The following TLE1 variants were observed in gnomAD, a reference collection of about 807,000 sequenced individuals.
TLE1 encodes transducin-like enhancer protein 1.
A neutral mutation model predicts 89.8 loss-of-function variants in TLE1; 21 were observed. That is an observed-to-expected ratio of 0.23 (90% CI 0.17 to 0.34). The LOEUF is 0.34. Among genes scored for constraint, TLE1 ranks in the 10% least tolerant of loss-of-function variants. The probability of loss-of-function intolerance (pLI) is 1.00; values close to 1 mark genes in which losing one functional copy is unlikely to be tolerated. For synonymous variants in TLE1, 447 were observed against 407.6 expected, an observed-to-expected ratio of 1.10 and a Z score of -1.16; for missense variants, 795 against 1,031.2, an observed-to-expected ratio of 0.77 and a Z score of 3.14.
In TLE1 at chr9:81,611,756, G is replaced by A. The variant is rs199640322; in HGVS notation, c.1254+13C>T. ...TTCCTACCCCAACCACAGCCCACCC[G>A]ACAGCGGCCTACCATGGGGGAGCGC... is the stretch of plus-strand genomic sequence containing the variant. On this transcript the variant is annotated intron_variant, in intron 13 of 19. Transcript: ENST00000376499. The A allele has an allele frequency of 1.7e-3, 2,617 of 1,507,084 alleles. 40 individuals are homozygous for A. Among genetic ancestry groups the A allele is most frequent in the Non-Finnish European group, 5.0e-4 (567 of 1,136,718 alleles). The allele number at this position is 1,507,084 out of a possible 1,614,324, so 93.4% of individuals were successfully genotyped here.
chr9:81,675,698 G>GTTTTTTTTTTTTTTTTTTTTTTTTTTTT lies in TLE1; in HGVS notation c.234+9977_234+9978insAAAAAAAAAAAAAAAAAAAAAAAAAAAA, dbSNP rs35060460. 6.2e-4 allele frequency among the ~76,000 whole-genome samples: 81 copies of GTTTTTTTTTTTTTTTTTTTTTTTTTTTT among 129,652 alleles called. 11 individuals carry two copies. The highest frequency in any genetic ancestry group is 7.9e-3 in the Middle Eastern group (2 of 252). The allele number at this position is 129,652 out of a possible 152,430, so 85.1% of individuals were successfully genotyped here. A position where few individuals can be genotyped will look rare whatever the true frequency, so the allele number is the denominator to read the frequency against. ...AATTTTAGCATAAGGACTCACACTA[G>GTTTTTTTTTTTTTTTTTTTTTTTTTTTT]TTTTTTTTTGTTTTTTTTTTTGAGA... On this transcript the variant is annotated intron_variant, in intron 4 of 19. Transcript: ENST00000376499.
Position 81,660,932 on chromosome 9 carries a change from TAAA to T in TLE1, c.235-6899_235-6897del, listed in dbSNP as rs2132751478. 8.5e-5 allele frequency among the ~76,000 whole-genome samples: 6 copies of T among 70,630 alleles called. No individual in the cohort carries two copies. The South Asian group carries it at 2.8e-3, about 33-fold the overall frequency. 46.3% of individuals were successfully genotyped at this position (70,630 alleles called of 152,430 possible). On this transcript the variant is annotated intron_variant, in intron 4 of 19. Transcript: ENST00000376499. The stretch of plus-strand genomic sequence containing the variant: ...TAACACGGTGAAACCCCATCCCTAC[TAAA>T]CACACACACACACACACACACACAC...
At chr9:81,595,115 A>G (rs2131862552) in intron 14 of TLE1, among the ~76,000 whole-genome samples, 1 of 152,320 alleles carries the variant, frequency 6.6e-6, no homozygotes, top group East Asian at 1.9e-4. Flanking sequence ...TGTCCTGGGG[A>G]ATAAATACAC....
intron 4 of TLE1, among the ~76,000 whole-genome samples, chr9:81,673,317 T>A (rs1832478559): frequency 6.6e-6 from 1 of 151,638 alleles, no homozygotes; most frequent in Non-Finnish European, 1.5e-5. Flanking sequence ...AAGTCCTTTT[T>A]TTTTTTTCTC....
chr9:81,616,107 C>T lies in TLE1; in HGVS notation c.793G>A (p.Ala265Thr), dbSNP rs373106021. 3.7e-6 allele frequency: 6 copies of T among 1,613,852 alleles called. No homozygotes were observed. The highest frequency in any genetic ancestry group is 2.7e-5 in the African/African-American group (2 of 74,998). ...EDPSSPRASPAHSPRENGIDK... is the reference protein window; with the variant it reads ...EDPSSPRASPTHSPRENGIDK... ...ATTCCATTTTCCCGGGGCGAGTGGG[C>T]AGGGCTTGCTCGCGGAGAAGAAGGG... Residue 265 changes from alanine (A) to threonine (T), a missense_variant, in exon 11 of 20, where the codon GCC becomes ACC. Ala to Thr is a moderately conservative substitution (Grantham distance 58, BLOSUM62 0). This residue lies in a region of TLE1 where 468 missense variants were observed against 509.1 expected (regional missense o/e 0.92). Transcript: ENST00000376499.
At chr9:81,622,505 CTTCTGTTAGAAACAATACAAT>C (rs577002282) in intron 8 of TLE1, among the ~76,000 whole-genome samples, 5 of 152,296 alleles carry the variant, frequency 3.3e-5, no homozygotes, top group South Asian at 2.1e-4. Context: ...GTAAACTACA[CTTCTGTTAGAAACAATACAAT>C]TTCTGTTAGA....
intron 8 of TLE1, 94 bp downstream of exon 8, chr9:81,633,245 TGTCTGTCTG>T: frequency 6.3e-7 from 1 of 1,577,964 alleles, no homozygotes; most frequent in Non-Finnish European, 8.6e-7. Flanking sequence ...AGAGTGTGCA[TGTCTGTCTG>T]TGCCTGTGTG....
chr9:81,615,830 G>A, intron 11 of TLE1, 152 bp downstream of exon 11: 1 of 1,004,870 alleles, frequency 1.0e-6, no homozygotes, highest in Non-Finnish European at 1.4e-6. Flanking sequence ...CCTGAATGGT[G>A]ACAAAGAACA....
At chr9:81,685,525 A>C (rs1834151640) in intron 4 of TLE1, 151 bp downstream of exon 4, 2 of 680,516 alleles carry the variant, frequency 2.9e-6, no homozygotes, top group East Asian at 5.4e-5. Context: ...TTGATGCAGA[A>C]TACTACCATC....
At chr9:81,682,956 C>CT (rs1833810830) in intron 4 of TLE1, among the ~76,000 whole-genome samples, 1 of 152,228 alleles carries the variant, frequency 6.6e-6, no homozygotes, top group Non-Finnish European at 1.5e-5. Flanking sequence ...AAAGGCAAGG[C>CT]TTATCAGGAA....
At chr9:81,590,478 C>A (rs924434868) in intron 16 of TLE1, among the ~76,000 whole-genome samples, 1 of 152,202 alleles carries the variant, frequency 6.6e-6, no homozygotes, top group Non-Finnish European at 1.5e-5. Flanking sequence ...GTATCAAGGG[C>A]CTTTTGTGCT....
chr9:81,644,201 C>CATAG, intron 6 of TLE1, among the ~76,000 whole-genome samples: 1 of 152,206 alleles, frequency 6.6e-6, no homozygotes, highest in Middle Eastern at 3.4e-3. Context: ...AAAAAGTTAC[C>CATAG]ATAGACCCAG....
At chr9:81,687,811 T>C (rs1044858556) in intron 1 of TLE1, among the ~76,000 whole-genome samples, 11 of 151,752 alleles carry the variant, frequency 7.2e-5, no homozygotes, top group African/African-American at 2.7e-4. Context: ...AACAACTCCT[T>C]TACGCTCCCC....
intron 17 of TLE1, among the ~76,000 whole-genome samples, chr9:81,585,884 A>G (rs1464138295): frequency 6.6e-6 from 1 of 152,126 alleles, no homozygotes; most frequent in Non-Finnish European, 1.5e-5. Context: ...AAAATTAAGA[A>G]ATGATTCCTA....
chr9:81,667,385 CA>C (rs397893862), intron 4 of TLE1, among the ~76,000 whole-genome samples: 40,614 of 89,966 alleles, frequency 0.45, 5,224 homozygotes, highest in Non-Finnish European at 0.49. Flanking sequence ...CAGACTGTCT[CA>C]AAAAAAAAAA....
chr9:81,620,293 G>A (rs1825068311), intron 9 of TLE1, 148 bp downstream of exon 9: 1 of 672,770 alleles, frequency 1.5e-6, no homozygotes, highest in South Asian at 2.2e-5. Context: ...GCCCCAAAGG[G>A]AAATACTATC....
chr9:81,682,574 G>A (rs1189317680), intron 4 of TLE1, among the ~76,000 whole-genome samples: 1 of 152,172 alleles, frequency 6.6e-6, no homozygotes, highest in Non-Finnish European at 1.5e-5. Context: ...AGTACATCTT[G>A]TTCCCAAAAA....
chr9:81,627,196 A>G (rs1180784526), intron 8 of TLE1, among the ~76,000 whole-genome samples: 1 of 152,150 alleles, frequency 6.6e-6, no homozygotes, highest in Non-Finnish European at 1.5e-5. Flanking sequence ...TGTCCCAGTG[A>G]GGAAATGATA....
chr9:81,648,492 T>C (rs1483443261), intron 6 of TLE1, among the ~76,000 whole-genome samples: 3 of 152,206 alleles, frequency 2.0e-5, no homozygotes, highest in African/African-American at 4.8e-5. Flanking sequence ...ATTACAATTA[T>C]ACATCAACTG....
Sources: allele counts gnomAD v4.1 joint callset (sites outside exome capture counted in the v4.1 genomes callset), GRCh38; gene constraint gnomAD v4.1.1; regional missense constraint gnomAD v4.1.1; transcripts MANE v1.5; gene names NCBI Gene and HGNC (gene_info 2026-07-23, HGNC 2026-07-21).